The following PCDHA9 variants were observed in gnomAD, a reference collection of about 807,000 sequenced individuals.
PCDHA9 encodes protocadherin alpha-9.
In PCDHA9, 62 loss-of-function variants were observed where a neutral mutation model predicts 62.0. The observed-to-expected ratio is 1.00, with a 90% confidence interval of 0.81 to 1.23. PCDHA9 has a LOEUF of 1.23. PCDHA9 is among the 50% of genes most tolerant of loss of function. PCDHA9 has a pLI of 0.00. For missense variants in PCDHA9, 1,205 were observed against 1,249.8 expected, an observed-to-expected ratio of 0.96 and a Z score of 0.54; for synonymous variants, 557 against 567.6, an observed-to-expected ratio of 0.98 and a Z score of 0.27.
intron 1 of PCDHA9, chr5:140,853,754 A>G: frequency 1.0e-6 from 1 of 988,728 alleles, no homozygotes; most frequent in Non-Finnish European, 1.2e-6. Context: ...TCAAGGCTCC[A>G]CCTCAGAAAT....
chr5:140,967,854 C>T (rs782783470), intron 1 of PCDHA9: 1 of 1,614,154 alleles, frequency 6.2e-7, no homozygotes, highest in South Asian at 1.1e-5. Flanking sequence ...GACAATGCCC[C>T]AGAGGTGGTG....
Position 140,982,562 on chromosome 5 carries a change from A to C in PCDHA9, c.2541A>C (p.Pro847=). ...QQWPTVSSAT[P]EPEAGEVSPP... ...GGCCAACAGTATCCAGTGCAACACCAGGTAAAGAGCTGGGGTCTCTCCATT... is the reference window on the plus strand; with the variant it reads ...GGCCAACAGTATCCAGTGCAACACCCGGTAAAGAGCTGGGGTCTCTCCATT... Residue 847 remains proline, a splice_region_variant and synonymous_variant, in exon 3 of 4, where the codon CCA becomes CCC. Coordinates refer to ENST00000532602, the MANE Select transcript of PCDHA9 (RefSeq NM_031857.2). 3 of 1,614,062 alleles carry C rather than the reference A, an allele frequency of 1.9e-6. No individual in the cohort carries two copies. The highest frequency in any genetic ancestry group is 2.5e-6 in the Non-Finnish European group (3 of 1,179,936).
intron 1 of PCDHA9, chr5:140,875,494 G>A (rs1178647780): frequency 6.2e-7 from 1 of 1,613,020 alleles, no homozygotes; most frequent in Non-Finnish European, 8.5e-7. Context: ...CGGACCAAGA[G>A]GCCCGGGATC....
chr5:140,884,708 T>C, intron 1 of PCDHA9: 1 of 1,479,044 alleles, frequency 6.8e-7, no homozygotes, highest in Non-Finnish European at 9.0e-7. Flanking sequence ...ACTTTAGCCT[T>C]CCTTGCAGTT....
Position 140,849,712 on chromosome 5 carries a change from C to T in PCDHA9, c.1217C>T (p.Ser406Leu), listed in dbSNP as rs2150446144. 1.9e-6 allele frequency: 3 copies of T among 1,598,618 alleles called. No individual in the cohort carries two copies. Residue 406 changes from serine (S) to leucine (L), a missense_variant, in exon 1 of 4, where the codon TCG (serine) becomes TTG (leucine). By Grantham distance (145) the Ser-to-Leu change is moderately radical (BLOSUM62 -2). Transcript: ENST00000532602. ...KLVSTYKNYY[S>L]LVLDRALDRE... ...GTGTCCACCTACAAGAATTACTACT[C>T]GTTGGTGCTGGACAGAGCTCTGGAC... is the stretch of plus-strand genomic sequence containing the variant.
At chr5:140,987,119 CAGG>C (rs1258206409) in intron 3 of PCDHA9, among the ~76,000 whole-genome samples, 2 of 151,448 alleles carry the variant, frequency 1.3e-5, no homozygotes, top group Non-Finnish European at 2.9e-5. Flanking sequence ...GAGGCTGAGG[CAGG>C]AGAATTGCTT....
intron 1 of PCDHA9, chr5:140,859,327 AAAT>A (rs2045812871): frequency 7.8e-6 from 1 of 128,784 alleles, no homozygotes; most frequent in Non-Finnish European, 1.8e-5. Flanking sequence ...TTTGAGGAGA[AAAT>A]AAAATTAATG....
chr5:140,917,483 G>C (rs1237773555), intron 1 of PCDHA9, among the ~76,000 whole-genome samples: 1 of 152,152 alleles, frequency 6.6e-6, no homozygotes, highest in Non-Finnish European at 1.5e-5. Flanking sequence ...CTTTGCCAGG[G>C]CCTATGCCCA....
intron 1 of PCDHA9, chr5:140,881,212 G>A: frequency 9.7e-6 from 2 of 206,268 alleles, no homozygotes; most frequent in Non-Finnish European, 1.7e-5. Flanking sequence ...TCTAGCTGTT[G>A]TTTCTTGGAA....
chr5:140,871,113 G>C, intron 1 of PCDHA9: 1 of 1,613,306 alleles, frequency 6.2e-7, no homozygotes. Flanking sequence ...CGTTGGTGGA[G>C]AGCGGACAGG....
intron 1 of PCDHA9, among the ~76,000 whole-genome samples, chr5:140,921,904 T>A (rs1554200513): frequency 1.3e-5 from 2 of 151,968 alleles, no homozygotes; most frequent in African/African-American, 4.8e-5. Flanking sequence ...GATAAATATA[T>A]ATTACATGAT....
At chr5:140,900,280 T>G (rs549563825) in intron 1 of PCDHA9, among the ~76,000 whole-genome samples, 1 of 152,182 alleles carries the variant, frequency 6.6e-6, no homozygotes, top group Admixed American at 6.5e-5. Flanking sequence ...TGTACCACAC[T>G]TTCTTTTCTG....
At chr5:140,857,471 A>T (rs2044616338) in intron 1 of PCDHA9, 1 of 1,598,536 alleles carries the variant, frequency 6.3e-7, no homozygotes, top group Non-Finnish European at 8.6e-7. Context: ...CCACATCTTC[A>T]CGGTGTCTGC....
intron 1 of PCDHA9, among the ~76,000 whole-genome samples, chr5:140,948,492 A>G (rs915795889): frequency 4.0e-5 from 6 of 151,594 alleles, no homozygotes; most frequent in Non-Finnish European, 8.9e-5. Flanking sequence ...AATTTCTTTC[A>G]TAGACTTTCT....
At chr5:140,948,519 CTA>C (rs2094266581) in intron 1 of PCDHA9, among the ~76,000 whole-genome samples, 1 of 151,476 alleles carries the variant, frequency 6.6e-6, no homozygotes, top group African/African-American at 2.4e-5. Context: ...AATGTTAACA[CTA>C]TTTATATTTT....
chr5:140,912,533 A>G (rs570012858), intron 1 of PCDHA9, among the ~76,000 whole-genome samples: 1 of 152,224 alleles, frequency 6.6e-6, no homozygotes, highest in African/African-American at 2.4e-5. Flanking sequence ...AGAGTACATG[A>G]TCATATTGTC....
chr5:140,902,102 G>T (rs1407664200), intron 1 of PCDHA9, among the ~76,000 whole-genome samples: 1 of 151,098 alleles, frequency 6.6e-6, no homozygotes, highest in Non-Finnish European at 1.5e-5. Flanking sequence ...GGAGTCTTTA[G>T]ATTTTTTTAA....
intron 1 of PCDHA9, among the ~76,000 whole-genome samples, chr5:140,901,632 G>A (rs768343428): frequency 6.6e-5 from 10 of 152,172 alleles, no homozygotes; most frequent in Non-Finnish European, 1.3e-4. Flanking sequence ...GTCAGGTAAT[G>A]TGATTCTTCC....
At chr5:140,855,479 C>T (rs782343023) in intron 1 of PCDHA9, among the ~76,000 whole-genome samples, 3 of 149,758 alleles carry the variant, frequency 2.0e-5, no homozygotes, top group Non-Finnish European at 3.0e-5. Context: ...TGATGCTTGA[C>T]ATTAGTGTCT....
Sources: allele counts gnomAD v4.1 joint callset (sites outside exome capture counted in the v4.1 genomes callset), GRCh38; gene constraint gnomAD v4.1.1; transcripts MANE v1.5; gene names NCBI Gene and HGNC (gene_info 2026-07-23, HGNC 2026-07-21).